The following CTNND2 variants were observed in gnomAD, a reference collection of about 807,000 sequenced individuals.
CTNND2 encodes the protein catenin delta-2.
A neutral mutation model predicts 144.4 loss-of-function variants in CTNND2; 22 were observed. The observed-to-expected ratio is 0.15, with a 90% CI of 0.11 to 0.22. CTNND2 has a LOEUF of 0.22. Ranked by LOEUF, CTNND2 falls within the 10% of genes least tolerant of loss-of-function variation. The probability of loss-of-function intolerance (pLI) is 1.00; values close to 1 mark genes in which losing one functional copy is unlikely to be tolerated. For missense variants in CTNND2, 1,353 were observed against 1,618.8 expected (o/e 0.84, Z 2.82); for synonymous variants, 751 against 695.6 (o/e 1.08, Z -1.25).
chr5:11,728,367 G>C (rs543585098), intron 2 of CTNND2, among the ~76,000 whole-genome samples: 76 of 152,224 alleles, frequency 5.0e-4, no homozygotes, highest in Admixed American at 3.0e-3. Flanking sequence ...TATTCAGGAG[G>C]CTGGGGCAGG....
At chr5:11,295,465 A>G (rs1232025843) in intron 9 of CTNND2, among the ~76,000 whole-genome samples, 1 of 152,230 alleles carries the variant, frequency 6.6e-6, no homozygotes, top group Non-Finnish European at 1.5e-5. Flanking sequence ...CTTTCTTCAC[A>G]GAATTGGAAA....
intron 19 of CTNND2, among the ~76,000 whole-genome samples, chr5:10,991,047 C>T (rs755256559): frequency 1.3e-4 from 20 of 152,224 alleles, no homozygotes; most frequent in Admixed American, 2.0e-4. Flanking sequence ...GCCTAAGAGG[C>T]CACCTCCATG....
At chr5:11,318,396 A>G (rs1195680217) in intron 9 of CTNND2, among the ~76,000 whole-genome samples, 4 of 151,752 alleles carry the variant, frequency 2.6e-5, no homozygotes, top group African/African-American at 4.8e-5. Flanking sequence ...ATTTACAACC[A>G]CTCCCTTCAA....
chr5:11,616,338 A>G (rs1231131704), intron 2 of CTNND2, among the ~76,000 whole-genome samples: 1 of 152,112 alleles, frequency 6.6e-6, no homozygotes, highest in African/African-American at 2.4e-5. Context: ...ATTTTAGTCC[A>G]CTGCAAAAGA....
intron 10 of CTNND2, among the ~76,000 whole-genome samples, chr5:11,232,986 G>A (rs1039510081): frequency 6.6e-6 from 1 of 152,076 alleles, no homozygotes; most frequent in Non-Finnish European, 1.5e-5. Context: ...CATTTCCCCT[G>A]CTTGTACTCA....
intron 3 of CTNND2, among the ~76,000 whole-genome samples, chr5:11,444,050 G>A (rs143982509): frequency 9.9e-5 from 15 of 152,188 alleles, no homozygotes; most frequent in South Asian, 2.1e-4. Flanking sequence ...GTTTAATTTC[G>A]TTCAGAAACA....
At chr5:11,545,632 C>T (rs1402205170) in intron 3 of CTNND2, among the ~76,000 whole-genome samples, 2 of 141,836 alleles carry the variant, frequency 1.4e-5, no homozygotes, top group African/African-American at 2.7e-5. Context: ...CATTGCACTC[C>T]AGCCTTGGTG....
At chr5:11,900,389 G>A (rs1213794255) in intron 1 of CTNND2, among the ~76,000 whole-genome samples, 1 of 152,122 alleles carries the variant, frequency 6.6e-6, no homozygotes, top group Non-Finnish European at 1.5e-5. Flanking sequence ...GGACTAAAAA[G>A]CACAGTATGA....
At chr5:11,685,883 T>C (rs1188205498) in intron 2 of CTNND2, among the ~76,000 whole-genome samples, 2 of 152,148 alleles carry the variant, frequency 1.3e-5, no homozygotes, top group African/African-American at 2.4e-5. Context: ...CCCCTTAGCA[T>C]TCAAATCTAT....
chr5:11,805,940 T>C (rs1791970140), intron 1 of CTNND2, among the ~76,000 whole-genome samples: 1 of 152,030 alleles, frequency 6.6e-6, no homozygotes, highest in Admixed American at 6.6e-5. Flanking sequence ...TCAATAATGG[T>C]CAGTCATGTC....
chr5:10,979,805 A>C (rs1407535007), intron 21 of CTNND2, among the ~76,000 whole-genome samples: 1 of 152,244 alleles, frequency 6.6e-6, no homozygotes, highest in Non-Finnish European at 1.5e-5. Context: ...CAATGGGGAA[A>C]AGATTCCCTA....
intron 2 of CTNND2, among the ~76,000 whole-genome samples, chr5:11,623,804 GTATGTATATATA>G (rs1347224323): frequency 9.8e-5 from 3 of 30,638 alleles, no homozygotes; most frequent in Admixed American, 3.9e-4. Flanking sequence ...ATATATGTGT[GTATGTATATATA>G]TATATATATA....
At position 11,365,026 on chromosome 5, in the gene CTNND2, C is replaced by A. The variant is rs546846207; in HGVS notation, c.1178-136G>T. On this transcript the variant is annotated intron_variant, in intron 7 of 21. Coordinates refer to ENST00000304623, the MANE Select transcript of CTNND2 (RefSeq NM_001332.4). Reference sequence around the variant, plus strand: ...AAACCAAATGAATAGCATGAAATGGCAGCAATATGTCAACCTAATCAGCCT... The same window carrying A: ...AAACCAAATGAATAGCATGAAATGGAAGCAATATGTCAACCTAATCAGCCT... 7.3e-5 allele frequency: 51 copies of A among 698,188 alleles called. No individual in the cohort carries two copies. The African/African-American group carries it at 8.2e-4, about 11-fold the overall frequency. The allele number at this position is 698,188 out of a possible 1,614,324, so 43.2% of individuals were successfully genotyped here.
chr5:11,355,864 C>T (rs1211722732), intron 8 of CTNND2, among the ~76,000 whole-genome samples: 1 of 152,022 alleles, frequency 6.6e-6, no homozygotes, highest in African/African-American at 2.4e-5. Context: ...AATCAACACA[C>T]AAAAATCTGT....
intron 6 of CTNND2, among the ~76,000 whole-genome samples, chr5:11,390,094 C>A (rs1295849901): frequency 6.6e-6 from 1 of 152,188 alleles, no homozygotes; most frequent in Non-Finnish European, 1.5e-5. Flanking sequence ...CCTGTCTACA[C>A]CATGTACAAA....
intron 3 of CTNND2, among the ~76,000 whole-genome samples, chr5:11,461,430 T>C (rs761001001): frequency 3.9e-5 from 6 of 152,096 alleles, no homozygotes; most frequent in Non-Finnish European, 8.8e-5. Flanking sequence ...TGCACTAAGA[T>C]GCAAAGACAC....
At chr5:11,324,748 G>A (rs1752362351) in intron 9 of CTNND2, among the ~76,000 whole-genome samples, 1 of 152,182 alleles carries the variant, frequency 6.6e-6, no homozygotes. Flanking sequence ...AACGTGGAGA[G>A]GGTAACAGGA....
At chr5:11,858,575 T>A (rs1408994702) in intron 1 of CTNND2, among the ~76,000 whole-genome samples, 2 of 152,232 alleles carry the variant, frequency 1.3e-5, no homozygotes, top group Non-Finnish European at 2.9e-5. Flanking sequence ...TTCTTAGCTA[T>A]GAAGCATTAA....
At chr5:11,580,936 G>A (rs1468847235) in intron 2 of CTNND2, among the ~76,000 whole-genome samples, 3 of 152,136 alleles carry the variant, frequency 2.0e-5, no homozygotes, top group Non-Finnish European at 4.4e-5. Flanking sequence ...CTCCTCCTCT[G>A]CCCACACCTT....
Sources: gnomAD v4.1 joint callset for allele counts (sites outside exome capture counted in the v4.1 genomes callset) on GRCh38, gnomAD v4.1.1 for gene constraint, MANE v1.5 for transcripts, NCBI Gene and HGNC (gene_info 2026-07-23, HGNC 2026-07-21) for gene names.